The following ITPR1 variants were observed in gnomAD, a reference collection of about 807,000 sequenced individuals.
The protein encoded by ITPR1 is inositol 1,4,5-trisphosphate-gated calcium channel ITPR1.
In ITPR1, 96 loss-of-function variants were observed where a neutral mutation model predicts 318.4. That is an observed-to-expected ratio of 0.30 (90% CI 0.26 to 0.36). ITPR1 has a LOEUF of 0.36. Among genes scored for constraint, ITPR1 ranks in the 10% least tolerant of loss-of-function variants. ITPR1 has a pLI of 1.00. For missense variants in ITPR1, 2,440 were observed against 3,460.2 expected (o/e 0.71, Z 7.40); for synonymous variants, 1,312 against 1,289.9 (o/e 1.02, Z -0.37).
intron 61 of ITPR1, among the ~76,000 whole-genome samples, chr3:4,840,770 AT>A (rs1344236241): frequency 6.6e-6 from 1 of 152,200 alleles, no homozygotes; most frequent in Non-Finnish European, 1.5e-5. Flanking sequence ...ACTAAATGTG[AT>A]TCTCTTACAT....
chr3:4,660,528 T>C (rs1282255560), intron 13 of ITPR1, among the ~76,000 whole-genome samples: 2 of 152,084 alleles, frequency 1.3e-5, no homozygotes, highest in African/African-American at 2.4e-5. Context: ...TATTTTGTTA[T>C]ATGATTCAAA....
At chr3:4,494,976 G>T (rs1049290683) in intron 2 of ITPR1, among the ~76,000 whole-genome samples, 3 of 152,172 alleles carry the variant, frequency 2.0e-5, no homozygotes, top group African/African-American at 7.2e-5. Context: ...CAAGTTGAAA[G>T]AATTAGAACT....
chr3:4,511,497 G>C (rs184232), intron 2 of ITPR1, among the ~76,000 whole-genome samples: 140,961 of 152,318 alleles, frequency 0.93, 65,352 homozygotes, highest in East Asian at 1. Flanking sequence ...ACAGGTGCTT[G>C]CACCCATCAG....
chr3:4,496,315 A>ATGTGTGTG (rs61120521), intron 2 of ITPR1, among the ~76,000 whole-genome samples: 5 of 151,042 alleles, frequency 3.3e-5, no homozygotes, highest in African/African-American at 1.2e-4. Context: ...TTTCAAGTTC[A>ATGTGTGTG]TGTGTGTGTG....
In ITPR1 at chr3:4,733,174, C is replaced by A; in HGVS notation, c.5307C>A (p.Gly1769=). The A allele has an allele frequency of 1.2e-6, 2 of 1,613,986 alleles. No individual in the cohort carries two copies. The highest frequency in any genetic ancestry group is 1.7e-6 in the Non-Finnish European group (2 of 1,179,878). Residue 1769 remains glycine, a synonymous_variant, in exon 43 of 62, where the codon GGC becomes GGA. Transcript: ENST00000649015. Reference sequence around the variant, plus strand: ...GAAGAGAGAGCCTTACCAGCTTTGGCAATGGCCCACTGTCAGCAGGAGGAC... The same window carrying A: ...GAAGAGAGAGCCTTACCAGCTTTGGAAATGGCCCACTGTCAGCAGGAGGAC... ...SGRRESLTSF[G]NGPLSAGGPG... is the part of the protein sequence containing the mutation.
chr3:4,513,557 A>G (rs2081983902), intron 2 of ITPR1, among the ~76,000 whole-genome samples: 1 of 152,194 alleles, frequency 6.6e-6, no homozygotes, highest in Non-Finnish European at 1.5e-5. Flanking sequence ...TGTAAAATGT[A>G]GCTAAAGGTT....
intron 4 of ITPR1, among the ~76,000 whole-genome samples, chr3:4,594,463 AGGTAAAT>A: frequency 6.6e-6 from 1 of 152,288 alleles, no homozygotes; most frequent in East Asian, 1.9e-4. Context: ...TTTTTATCTT[AGGTAAAT>A]CAAATCCAGG....
intron 4 of ITPR1, among the ~76,000 whole-genome samples, chr3:4,591,528 C>G (rs2090398152): frequency 6.6e-6 from 1 of 152,150 alleles, no homozygotes; most frequent in Admixed American, 6.6e-5. Flanking sequence ...AACTTTGATT[C>G]AGGAAAGCAT....
At chr3:4,687,337 T>C (rs2125239140) in intron 30 of ITPR1, among the ~76,000 whole-genome samples, 1 of 152,330 alleles carries the variant, frequency 6.6e-6, no homozygotes, top group Non-Finnish European at 1.5e-5. Flanking sequence ...GCACTTCATG[T>C]GACTTTTCTC....
chr3:4,814,294 G>T, intron 57 of ITPR1, 129 bp from the exon 58 acceptor site: 1 of 1,021,976 alleles, frequency 9.8e-7, no homozygotes, highest in African/African-American at 1.6e-5. Context: ...GAAAATTCTT[G>T]GCTCTTGATT....
In ITPR1 at chr3:4,818,243, G is replaced by T; in HGVS notation, c.8028+1G>T. On this transcript the variant is annotated splice_donor_variant, in intron 60 of 61. Transcript: ENST00000649015. LOFTEE classifies it high-confidence loss of function. ...GAGTTACGTGGCAGAAATGATCAAG[G>T]TGAGTGGAAAGGCCTCCTGGGAGCA... 1 of 1,564,146 alleles carries T rather than the reference G, an allele frequency of 6.4e-7. No homozygotes were observed. The highest frequency in any genetic ancestry group is 8.8e-7 in the Non-Finnish European group (1 of 1,142,192).
chr3:4,735,347 C>T lies in ITPR1; in HGVS notation c.5537C>T (p.Thr1846Ile). 1 of 1,613,660 alleles carries T rather than the reference C, an allele frequency of 6.2e-7. No individual in the cohort carries two copies. The highest frequency in any genetic ancestry group is 1.7e-4 in the Middle Eastern group (1 of 6,008). ...AIALLEGGNT[T>I]IQHSFFCRLT... ...GCCCTTCTGGAAGGAGGCAACACCACCATCCAGGTAGGAAGGCAGCTTGGC... is the reference window on the plus strand; with the variant it reads ...GCCCTTCTGGAAGGAGGCAACACCATCATCCAGGTAGGAAGGCAGCTTGGC... The change falls in exon 44 of 62, where the codon ACC (threonine) becomes ATC (isoleucine). Residue 1846 changes from threonine (T) to isoleucine (I), a missense_variant. Physicochemically the swap from Thr to Ile is moderately conservative, Grantham distance 89. Transcript: ENST00000649015.
At chr3:4,688,171 A>T (rs1224216797) in intron 30 of ITPR1, among the ~76,000 whole-genome samples, 2 of 152,164 alleles carry the variant, frequency 1.3e-5, no homozygotes, top group East Asian at 3.8e-4. Flanking sequence ...GGTATGAGCC[A>T]CTGTGCCCAG....
At chr3:4,763,897 G>A (rs2045632553) in intron 44 of ITPR1, among the ~76,000 whole-genome samples, 1 of 152,238 alleles carries the variant, frequency 6.6e-6, no homozygotes, top group Non-Finnish European at 1.5e-5. Context: ...CAGATGGCGG[G>A]CTTTATTTAT....
intron 44 of ITPR1, among the ~76,000 whole-genome samples, chr3:4,748,095 T>G (rs1321461173): frequency 6.6e-6 from 1 of 152,218 alleles, no homozygotes; most frequent in Non-Finnish European, 1.5e-5. Context: ...CTGGGCTACA[T>G]GGAATAGTCC....
At chr3:4,705,018 G>C (rs184087772) in intron 36 of ITPR1, among the ~76,000 whole-genome samples, 1 of 151,604 alleles carries the variant, frequency 6.6e-6, no homozygotes, top group South Asian at 2.1e-4. Context: ...TTTTTTTTCC[G>C]CTAAATTGTG....
chr3:4,822,064 G>T (rs1256676622), intron 60 of ITPR1, among the ~76,000 whole-genome samples: 1 of 152,194 alleles, frequency 6.6e-6, no homozygotes, highest in Non-Finnish European at 1.5e-5. Context: ...TCCGCTCTGT[G>T]CCTTCCCTCG....
intron 36 of ITPR1, 35 bp downstream of exon 36, chr3:4,702,985 A>G (rs1345650214): frequency 1.2e-6 from 2 of 1,600,038 alleles, no homozygotes; most frequent in East Asian, 2.2e-5. Flanking sequence ...ATACGTGATG[A>G]AAATGAATTG....
rs1384199154 is a variant in ITPR1 at position 4,511,302 on chromosome 3, C to A, written c.-16-5174C>A. On this transcript the variant is annotated intron_variant, in intron 2 of 61. Transcript: ENST00000649015. ...GGGAATAGAATCAAATCTTCCCTGC[C>A]CCCCCTTTTTTTTTACGCACAGCTC... Among the ~76,000 whole-genome samples, 3 of 152,124 alleles carry A rather than the reference C, an allele frequency of 2.0e-5. No individual in the cohort carries two copies. In the East Asian group the frequency reaches 5.8e-4, roughly 29 times the overall value.
Sources: gnomAD v4.1 joint callset for allele counts (sites outside exome capture counted in the v4.1 genomes callset) on GRCh38, gnomAD v4.1.1 for gene constraint, MANE v1.5 for transcripts, NCBI Gene and HGNC (gene_info 2026-07-23, HGNC 2026-07-21) for gene names.